The following RP1L1 variants were observed in gnomAD, a reference collection of about 807,000 sequenced individuals.
The protein encoded by RP1L1 is retinitis pigmentosa 1-like 1 protein.
A neutral mutation model predicts 15.7 loss-of-function variants in RP1L1; 27 were observed. The observed-to-expected ratio is 1.72, with a 90% CI of 1.27 to 2.38. The LOEUF is 2.38. Among genes scored for constraint, RP1L1 ranks in the 30% most tolerant of loss-of-function variants. RP1L1 has a pLI of 0.00. For synonymous variants in RP1L1, 1,813 were observed against 1,276.7 expected, an observed-to-expected ratio of 1.42 and a Z score of -8.96; for missense variants, 4,798 against 3,075.9, an observed-to-expected ratio of 1.56 and a Z score of -13.24.
At chr8:10,648,205 T>C (rs1798507837) in intron 1 of RP1L1, among the ~76,000 whole-genome samples, 1 of 152,074 alleles carries the variant, frequency 6.6e-6, no homozygotes, top group South Asian at 2.1e-4. Flanking sequence ...CTATTTTTTA[T>C]ATTTTTAGTA....
chr8:10,649,041 A>C (rs377587482), intron 1 of RP1L1, among the ~76,000 whole-genome samples: 1 of 152,202 alleles, frequency 6.6e-6, no homozygotes, highest in Non-Finnish European at 1.5e-5. Context: ...CTGCAGCGCC[A>C]TGCCTGAGCC....
In RP1L1 at chr8:10,608,611, A is replaced by C. The variant is rs779507281; in HGVS notation, c.5487T>G (p.Ser1829Arg). The change falls in exon 4 of 4, where the codon AGT becomes AGG. Residue 1829 changes from serine (S) to arginine (R), a missense_variant. Coordinates refer to ENST00000382483, the MANE Select transcript of RP1L1 (RefSeq NM_178857.6). The part of the protein sequence containing the change: ...AAGGDQDPGQ[S>R]DGAEGIEAPE... ...GGGCCTCTATGCCTTCGGCCCCATC[A>C]CTCTGTCCTGGATCTTGGTCACCTC... 1.9e-6 allele frequency: 3 copies of C among 1,613,366 alleles called. No individual in the cohort carries two copies. The highest frequency in any genetic ancestry group is 2.5e-6 in the Non-Finnish European group (3 of 1,179,850).
intron 1 of RP1L1, among the ~76,000 whole-genome samples, chr8:10,638,193 A>G (rs948000132): frequency 6.6e-6 from 1 of 152,278 alleles, no homozygotes; most frequent in Non-Finnish European, 1.5e-5. Context: ...GAACCCAAAA[A>G]TACCGATATG....
In RP1L1 at chr8:10,612,641, G is replaced by T; in HGVS notation, c.1457C>A (p.Ser486Tyr). Residue 486 changes from serine to tyrosine, a missense_variant, in exon 4 of 4, where the codon TCT (serine) becomes TAT (tyrosine). By Grantham distance (144) the Ser-to-Tyr change is moderately radical. Transcript: ENST00000382483. ...PEDGVDSASP[S>Y]AQIGAERKAG... is the part of the protein sequence containing the mutation. Reference sequence around the variant, plus strand: ...TTTCCGCTCAGCCCCTATCTGGGCAGAGGGGCTGGCACTGTCCACCCCGTC... The same window carrying T: ...TTTCCGCTCAGCCCCTATCTGGGCATAGGGGCTGGCACTGTCCACCCCGTC... 1 of 1,602,284 alleles carries T rather than the reference G, an allele frequency of 6.2e-7. No homozygotes were observed.
At chr8:10,635,137 C>T (rs1352720947) in intron 1 of RP1L1, among the ~76,000 whole-genome samples, 1 of 152,180 alleles carries the variant, frequency 6.6e-6, no homozygotes, top group East Asian at 1.9e-4. Flanking sequence ...GTGACGCGGT[C>T]TTCATCTGAT....
At chr8:10,623,710 T>G (rs967510058) in intron 1 of RP1L1, among the ~76,000 whole-genome samples, 1 of 149,360 alleles carries the variant, frequency 6.7e-6, no homozygotes, top group Non-Finnish European at 1.5e-5. Flanking sequence ...CCTCCATGTC[T>G]CCAGCATTAC....
chr8:10,620,082 C>G (rs1396037196), intron 2 of RP1L1, among the ~76,000 whole-genome samples: 3 of 152,000 alleles, frequency 2.0e-5, no homozygotes, highest in Non-Finnish European at 4.4e-5. Context: ...TCTCTGGCGA[C>G]TAAGACACCT....
intron 1 of RP1L1, among the ~76,000 whole-genome samples, chr8:10,626,329 G>C (rs1337717290): frequency 6.6e-6 from 1 of 152,214 alleles, no homozygotes; most frequent in Non-Finnish European, 1.5e-5. Flanking sequence ...GAGAGGGACA[G>C]GGCTGCTGCG....
chr8:10,637,923 T>C (rs1169612172), intron 1 of RP1L1, among the ~76,000 whole-genome samples: 1 of 152,186 alleles, frequency 6.6e-6, no homozygotes, highest in Non-Finnish European at 1.5e-5. Flanking sequence ...AAGGAGCTAG[T>C]TCTTGGGACA....
At chr8:10,644,636 A>T (rs1026764537) in intron 1 of RP1L1, among the ~76,000 whole-genome samples, 2 of 152,020 alleles carry the variant, frequency 1.3e-5, no homozygotes, top group African/African-American at 4.8e-5. Flanking sequence ...CATCAACAAA[A>T]CCAGAACAAA....
chr8:10,638,939 G>T (rs966667805), intron 1 of RP1L1, among the ~76,000 whole-genome samples: 2 of 152,088 alleles, frequency 1.3e-5, no homozygotes, highest in Admixed American at 6.5e-5. Context: ...GAGGCCATGA[G>T]TTCGAGACCA....
In RP1L1 at chr8:10,655,054, C is replaced by T. The variant is rs375959867; in HGVS notation, c.-176G>A. The T allele has an allele frequency of 3.1e-4, 47 of 152,878 alleles. No individual in the cohort carries two copies. Among genetic ancestry groups the T allele is most frequent in the African/African-American group, 1.1e-3 (44 of 41,584 alleles). 9.5% of individuals were successfully genotyped at this position (152,878 alleles called of 1,614,324 possible). On this transcript the variant is annotated 5_prime_UTR_variant, in exon 1 of 4. Transcript: ENST00000382483. ...TGGCCACCCTCCTCCGGACAGTCCTCGGGGCCACTCTCCTTGGCCTGAGAG... is the reference window on the plus strand; with the variant it reads ...TGGCCACCCTCCTCCGGACAGTCCTTGGGGCCACTCTCCTTGGCCTGAGAG...
chr8:10,611,180 T>C lies in RP1L1; in HGVS notation c.2918A>G (p.Tyr973Cys), dbSNP rs199704997. The C allele has an allele frequency of 3.2e-4, 510 of 1,612,938 alleles. 2 individuals are homozygous for C. The highest frequency in any genetic ancestry group is 3.7e-5 in the Non-Finnish European group (44 of 1,180,004). Residue 973 changes from tyrosine to cysteine, a missense_variant, in exon 4 of 4, where the codon TAT (tyrosine) becomes TGT (cysteine). Coordinates refer to ENST00000382483, the MANE Select transcript of RP1L1 (RefSeq NM_178857.6). Reference sequence around the variant, plus strand: ...ACCTGTGGTCTCGTCCGCCAACTCATATGTCATGAGTATGGGCTCTTCTGG... The same window carrying C: ...ACCTGTGGTCTCGTCCGCCAACTCACATGTCATGAGTATGGGCTCTTCTGG... ...NIPEEPILMT[Y>C]ELADETTGAA...
chr8:10,642,342 AGGACGGCCAATAATTATTAACC>A (rs1224066645), intron 1 of RP1L1, among the ~76,000 whole-genome samples: 1 of 152,186 alleles, frequency 6.6e-6, no homozygotes, highest in Non-Finnish European at 1.5e-5. Context: ...TTTCCAGATG[AGGACGGCCAATAATTATTAACC>A]GGACGTCATT....
rs1376627447 is a variant in RP1L1 at position 10,606,975 on chromosome 8, C to T, written c.7123G>A (p.Asp2375Asn). Reference protein sequence around the residue: ...GASEGYDLQEDQALGSLAPTE... With the variant: ...GASEGYDLQENQALGSLAPTE... ...GGGGCGAGACTTCCGAGTGCCTGGT[C>T]CTCTTGTAGGTCATAACCTTCACTG... The change falls in exon 4 of 4, where the codon GAC (aspartate) becomes AAC (asparagine). Residue 2375 changes from aspartate (D) to asparagine (N), a missense_variant. By Grantham distance (23) the Asp-to-Asn change is conservative. Transcript: ENST00000382483. The T allele has an allele frequency of 1.9e-6, 3 of 1,614,232 alleles. No homozygotes were observed. Among genetic ancestry groups the T allele is most frequent in the Middle Eastern group, 1.6e-4 (1 of 6,062 alleles).
intron 1 of RP1L1, among the ~76,000 whole-genome samples, chr8:10,653,918 C>A (rs1798601318): frequency 6.6e-6 from 1 of 152,184 alleles, no homozygotes; most frequent in South Asian, 2.1e-4. Flanking sequence ...CCTCCCGCGA[C>A]CTCCTCCAAG....
At chr8:10,622,459 T>C in intron 2 of RP1L1, 134 bp downstream of exon 2, 1 of 1,145,558 alleles carries the variant, frequency 8.7e-7, no homozygotes, top group Non-Finnish European at 1.3e-6. Context: ...AGTGTCTCCA[T>C]GCTGTTCACC....
chr8:10,611,413 T>C lies in RP1L1; in HGVS notation c.2685A>G (p.Pro895=), dbSNP rs747711177. 1 of 1,591,576 alleles carries C rather than the reference T, an allele frequency of 6.3e-7. No individual in the cohort carries two copies. Residue 895 remains proline, a synonymous_variant, in exon 4 of 4, where the codon CCA becomes CCG. Transcript: ENST00000382483. ...TGGGGCCTGGGGACGGCGTGGGGCC[T>C]GGCTGGCGTGTCCCCTCCTGCGGGC... ...GGSPQEGTRQ[P]GPTPSPGPNS...
chr8:10,621,744 C>G (rs377672485), intron 2 of RP1L1: 5 of 509,394 alleles, frequency 9.8e-6, no homozygotes, highest in East Asian at 1.1e-4. Context: ...TTCTGCCGAC[C>G]TTTGGTGGAA....
Sources: allele counts gnomAD v4.1 joint callset (sites outside exome capture counted in the v4.1 genomes callset), GRCh38; gene constraint gnomAD v4.1.1; transcripts MANE v1.5; gene names NCBI Gene and HGNC (gene_info 2026-07-23, HGNC 2026-07-21).